BTBD9: variants seen among roughly 807,000 people sequenced by gnomAD.
The protein encoded by BTBD9 is BTB domain containing 9.
A neutral mutation model predicts 64.3 loss-of-function variants in BTBD9; 49 were observed. The ratio of observed to expected loss-of-function variants is 0.76; its 90% CI spans 0.61 to 0.97. BTBD9 has a LOEUF of 0.97. BTBD9 is among the 50% of genes least tolerant of loss of function. The pLI is 0.00. For synonymous variants in BTBD9, 260 were observed against 274.7 expected (o/e 0.95, Z 0.53); for missense variants, 598 against 762.1 (o/e 0.78, Z 2.53).
chr6:38,418,922 G>A (rs551122034), intron 6 of BTBD9, among the ~76,000 whole-genome samples: 23 of 152,182 alleles, frequency 1.5e-4, no homozygotes, highest in African/African-American at 5.1e-4. Flanking sequence ...AGTCCAGCCT[G>A]GACAAGTGAG....
intron 10 of BTBD9, among the ~76,000 whole-genome samples, chr6:38,183,265 C>A (rs986873809): frequency 1.6e-4 from 25 of 152,244 alleles, no homozygotes; most frequent in African/African-American, 6.0e-4. Flanking sequence ...GTGTGAGCCA[C>A]CGCGCCCGGC....
At chr6:38,209,988 C>A (rs1299934121) in intron 9 of BTBD9, among the ~76,000 whole-genome samples, 1 of 152,202 alleles carries the variant, frequency 6.6e-6, no homozygotes, top group African/African-American at 2.4e-5. Flanking sequence ...CTCCCGCCAG[C>A]TCCTCATATT....
intron 9 of BTBD9, among the ~76,000 whole-genome samples, chr6:38,250,600 T>G (rs1163626687): frequency 6.6e-6 from 1 of 152,158 alleles, no homozygotes. Flanking sequence ...AGTTAACATA[T>G]AGATGGTTTA....
chr6:38,490,209 C>A (rs967132145), intron 6 of BTBD9, among the ~76,000 whole-genome samples: 1 of 152,178 alleles, frequency 6.6e-6, no homozygotes, highest in Non-Finnish European at 1.5e-5. Flanking sequence ...CCTGGGTTTG[C>A]TGCTTGCTTG....
chr6:38,484,035 T>C (rs1771284636), intron 6 of BTBD9, among the ~76,000 whole-genome samples: 1 of 152,256 alleles, frequency 6.6e-6, no homozygotes, highest in South Asian at 2.1e-4. Context: ...GCTATATGTC[T>C]ACTTCCAGGC....
chr6:38,491,147 A>G (rs950131111), intron 6 of BTBD9, among the ~76,000 whole-genome samples: 1 of 152,252 alleles, frequency 6.6e-6, no homozygotes, highest in Admixed American at 6.5e-5. Context: ...AAAGACAACG[A>G]AACTCAAGCA....
At chr6:38,488,567 C>T (rs1406644504) in intron 6 of BTBD9, among the ~76,000 whole-genome samples, 1 of 152,174 alleles carries the variant, frequency 6.6e-6, no homozygotes, top group African/African-American at 2.4e-5. Flanking sequence ...TCTATTCTCA[C>T]TGTGCCATGA....
At chr6:38,237,860 A>C (rs1477682226) in intron 9 of BTBD9, among the ~76,000 whole-genome samples, 2 of 151,596 alleles carry the variant, frequency 1.3e-5, no homozygotes, top group African/African-American at 4.9e-5. Context: ...AAAATCAGCC[A>C]GATATGGTAG....
intron 7 of BTBD9, among the ~76,000 whole-genome samples, chr6:38,297,242 T>C (rs1762189411): frequency 6.6e-6 from 1 of 152,148 alleles, no homozygotes; most frequent in Non-Finnish European, 1.5e-5. Flanking sequence ...GGCGCGCACC[T>C]GTAATCCCAG....
chr6:38,542,556 C>A (rs1582604553), intron 6 of BTBD9, among the ~76,000 whole-genome samples: 1 of 152,140 alleles, frequency 6.6e-6, no homozygotes, highest in Non-Finnish European at 1.5e-5. Flanking sequence ...TCCTATCTGA[C>A]CGGTAAGGCT....
chr6:38,588,879 A>T (rs1291238082), intron 4 of BTBD9, among the ~76,000 whole-genome samples: 1 of 152,242 alleles, frequency 6.6e-6, no homozygotes, highest in South Asian at 2.1e-4. Context: ...CTAAAAGTAG[A>T]GCCCTTTTAG....
intron 6 of BTBD9, among the ~76,000 whole-genome samples, chr6:38,576,611 T>C (rs1776046170): frequency 6.6e-6 from 1 of 152,152 alleles, no homozygotes; most frequent in South Asian, 2.1e-4. Flanking sequence ...TGCCTTCCCA[T>C]CTGCTCCCAA....
chr6:38,496,025 CACA>C (rs1771940583), intron 6 of BTBD9, among the ~76,000 whole-genome samples: 1 of 152,134 alleles, frequency 6.6e-6, no homozygotes, highest in Non-Finnish European at 1.5e-5. Flanking sequence ...TAATAAAATA[CACA>C]ACATTTGCAA....
At chr6:38,374,297 G>GTATATATATATATATATATATATA (rs1468972879) in intron 6 of BTBD9, among the ~76,000 whole-genome samples, 12 of 53,696 alleles carry the variant, frequency 2.2e-4, no homozygotes, top group African/African-American at 8.8e-4. Context: ...ATATATATAT[G>GTATATATATATATATATATATATA]TATATATATG....
At chr6:38,234,366 G>C (rs1435711056) in intron 9 of BTBD9, among the ~76,000 whole-genome samples, 1 of 152,172 alleles carries the variant, frequency 6.6e-6, no homozygotes, top group African/African-American at 2.4e-5. Context: ...CTTGGGCCCA[G>C]GTATGTGACA....
intron 6 of BTBD9, among the ~76,000 whole-genome samples, chr6:38,464,559 A>G (rs1319483563): frequency 6.6e-6 from 1 of 152,072 alleles, no homozygotes; most frequent in Non-Finnish European, 1.5e-5. Flanking sequence ...CCAGTGGCAC[A>G]ATCTCGGCTC....
chr6:38,458,545 A>T lies in BTBD9; in HGVS notation c.1155-113452T>A, dbSNP rs116505922. On this transcript the variant is annotated intron_variant, in intron 6 of 10. Coordinates refer to ENST00000481247, the MANE Select transcript of BTBD9 (RefSeq NM_001099272.2). ...ATAAGATTCCCCTCCTCAACAGTCT[A>T]GCTTTATTGGAAGGAAAAATGTAAC... Among the ~76,000 whole-genome samples the T allele has an allele frequency of 1.9e-3, 285 of 152,336 alleles. 1 individual carries two copies. Among genetic ancestry groups the T allele is most frequent in the African/African-American group, 6.5e-3 (270 of 41,578 alleles).
intron 2 of BTBD9, among the ~76,000 whole-genome samples, chr6:38,597,675 T>A (rs1272064744): frequency 1.3e-5 from 2 of 152,182 alleles, no homozygotes; most frequent in African/African-American, 4.8e-5. Context: ...AATGGTTGAT[T>A]GGGCACTATT....
intron 7 of BTBD9, among the ~76,000 whole-genome samples, chr6:38,318,292 T>C (rs6902042): frequency 0.036 from 5,530 of 152,284 alleles, 365 homozygotes; most frequent in African/African-American, 0.13. Flanking sequence ...GGTGAGGTTG[T>C]TTTCCTGAAT....
Sources: allele counts gnomAD v4.1 joint callset (sites outside exome capture counted in the v4.1 genomes callset), GRCh38; gene constraint gnomAD v4.1.1; transcripts MANE v1.5; gene names NCBI Gene and HGNC (gene_info 2026-07-23, HGNC 2026-07-21).